GATAD2B: variants seen among roughly 807,000 people sequenced by gnomAD.
GATAD2B encodes transcriptional repressor p66-beta.
A neutral mutation model predicts 64.3 loss-of-function variants in GATAD2B; 8 were observed. The observed-to-expected ratio is 0.12, with a 90% CI of 0.07 to 0.22. The LOEUF is 0.22. GATAD2B is among the 10% of genes least tolerant of loss of function. GATAD2B has a pLI of 1.00. For missense variants in GATAD2B, 453 were observed against 752.0 expected, an observed-to-expected ratio of 0.60 and a Z score of 4.65; for synonymous variants, 281 against 271.3, an observed-to-expected ratio of 1.04 and a Z score of -0.35.
chr1:153,824,279 C>T (rs1444873584), intron 2 of GATAD2B, among the ~76,000 whole-genome samples: 2 of 151,696 alleles, frequency 1.3e-5, no homozygotes. Flanking sequence ...AACACAGCAA[C>T]ACCTCATCTC....
At chr1:153,834,711 G>A (rs1309245148) in intron 1 of GATAD2B, among the ~76,000 whole-genome samples, 1 of 152,174 alleles carries the variant, frequency 6.6e-6, no homozygotes, top group Non-Finnish European at 1.5e-5. Flanking sequence ...ACACTAACAG[G>A]AATTTGAAAG....
At chr1:153,911,533 G>A (rs1405528464) in intron 1 of GATAD2B, among the ~76,000 whole-genome samples, 1 of 152,036 alleles carries the variant, frequency 6.6e-6, no homozygotes, top group African/African-American at 2.4e-5. Context: ...TCAGGAGTTC[G>A]CGACCAGCCT....
chr1:153,839,108 C>CAAAAAAAAAAAAAAAAA lies in GATAD2B; in HGVS notation c.-1-10777_-1-10761dup, dbSNP rs35262137. Among the ~76,000 whole-genome samples, 65 of 78,560 alleles carry CAAAAAAAAAAAAAAAAA rather than the reference C, an allele frequency of 8.3e-4. 1 individual carries two copies. Among genetic ancestry groups the CAAAAAAAAAAAAAAAAA allele is most frequent in the South Asian group, 2.6e-3 (5 of 1,956 alleles). The allele number at this position is 78,560 out of a possible 152,430, so 51.5% of individuals were successfully genotyped here. A position where few individuals can be genotyped will look rare whatever the true frequency, so the allele number is the denominator to read the frequency against. On this transcript the variant is annotated intron_variant, in intron 1 of 10. Coordinates refer to ENST00000368655, the MANE Select transcript of GATAD2B (RefSeq NM_020699.4). ...TGGGTGACAGAACGAGACCCTGTCT[C>CAAAAAAAAAAAAAAAAA]AAAAAAAAAAAAAAAAAAAAAAAAA...
At chr1:153,817,303 G>A (rs1674509863) in intron 6 of GATAD2B, 69 bp downstream of exon 6, 1 of 1,396,398 alleles carries the variant, frequency 7.2e-7, no homozygotes, top group South Asian at 1.6e-5. Context: ...AAAACCTATG[G>A]CCCTTTCGAC....
At chr1:153,921,934 G>A (rs912021272) in intron 1 of GATAD2B, 1 of 152,142 alleles carries the variant, frequency 6.6e-6, no homozygotes, top group African/African-American at 2.4e-5. Flanking sequence ...TTGAGAGCAG[G>A]GAGGCCAAAA....
chr1:153,909,022 G>C (rs1280975339), intron 1 of GATAD2B, among the ~76,000 whole-genome samples: 2 of 151,920 alleles, frequency 1.3e-5, no homozygotes, highest in East Asian at 3.9e-4. Context: ...ACAACACAGC[G>C]AGATTCCCAT....
chr1:153,920,823 C>T (rs1678407699), intron 1 of GATAD2B, among the ~76,000 whole-genome samples: 1 of 152,166 alleles, frequency 6.6e-6, no homozygotes, highest in South Asian at 2.1e-4. Context: ...TCCATGATGA[C>T]TATCACTGCC....
chr1:153,875,370 AAAAATCTC>A (rs950949711), intron 1 of GATAD2B, among the ~76,000 whole-genome samples: 3 of 152,184 alleles, frequency 2.0e-5, no homozygotes, highest in African/African-American at 7.2e-5. Flanking sequence ...GGAAGAAAAA[AAAAATCTC>A]ATGTTTTAAG....
Position 153,811,800 on chromosome 1 carries a change from G to A in GATAD2B, c.1579C>T (p.Arg527Cys), listed in dbSNP as rs774589064. 2 of 1,612,982 alleles carry A rather than the reference G, an allele frequency of 1.2e-6. No individual in the cohort carries two copies. Among genetic ancestry groups the A allele is most frequent in the South Asian group, 1.1e-5 (1 of 90,878 alleles). The change falls in exon 10 of 11, where the codon CGC becomes TGC. Residue 527 changes from arginine (R) to cysteine (C), a missense_variant. Arg to Cys is a radical substitution (Grantham distance 180). Around this residue, in one of 2 missense-constraint regions of GATAD2B, gnomAD observed 160 missense variants for 334.7 expected, o/e 0.48. Coordinates refer to ENST00000368655, the MANE Select transcript of GATAD2B (RefSeq NM_020699.4). ...SLQRGIPTSA[R>C]SMLSNFAQAP... ...TGTGCAAAGTTTGAAAGCATGGAGC[G>A]GGCAGATGTGGGTATGCCACGCTGG... is the stretch of plus-strand genomic sequence containing the variant.
At chr1:153,852,030 G>T in intron 1 of GATAD2B, 1 of 437,144 alleles carries the variant, frequency 2.3e-6, no homozygotes, top group East Asian at 3.8e-5. Flanking sequence ...TTGCCTAGCA[G>T]GGTTAATTTC....
chr1:153,848,986 C>T (rs1049417750), intron 1 of GATAD2B, among the ~76,000 whole-genome samples: 2 of 151,902 alleles, frequency 1.3e-5, no homozygotes, highest in African/African-American at 4.8e-5. Context: ...CCCCCCCTCC[C>T]CCAGACTGGG....
intron 1 of GATAD2B, among the ~76,000 whole-genome samples, chr1:153,892,177 A>AG (rs891910115): frequency 6.6e-6 from 1 of 151,206 alleles, no homozygotes; most frequent in Non-Finnish European, 1.5e-5. Context: ...AAAAAAAAAA[A>AG]AAAAAAAAGA....
intron 1 of GATAD2B, among the ~76,000 whole-genome samples, chr1:153,897,935 TAGG>T (rs1370105277): frequency 1.4e-5 from 2 of 146,606 alleles, no homozygotes; most frequent in African/African-American, 2.6e-5. Flanking sequence ...GGCTTGAAGC[TAGG>T]AGTTCTAGAC....
At chr1:153,830,453 A>ATTTTT (rs1675035976) in intron 1 of GATAD2B, among the ~76,000 whole-genome samples, 1 of 20,884 alleles carries the variant, frequency 4.8e-5, no homozygotes, top group Non-Finnish European at 9.0e-5. Flanking sequence ...GCCTGTTTTT[A>ATTTTT]TTTTTATTTT....
intron 1 of GATAD2B, among the ~76,000 whole-genome samples, chr1:153,902,906 T>C: frequency 6.6e-6 from 1 of 152,176 alleles, no homozygotes; most frequent in Non-Finnish European, 1.5e-5. Flanking sequence ...CCTTTGCAGT[T>C]TCCCACAACC....
chr1:153,880,574 A>C (rs911845928), intron 1 of GATAD2B, among the ~76,000 whole-genome samples: 3 of 152,134 alleles, frequency 2.0e-5, no homozygotes, highest in Non-Finnish European at 4.4e-5. Context: ...AAAATCCAGG[A>C]GGCATTTCTC....
At chr1:153,873,499 A>G (rs1676732696) in intron 1 of GATAD2B, among the ~76,000 whole-genome samples, 2 of 152,190 alleles carry the variant, frequency 1.3e-5, no homozygotes, top group Non-Finnish European at 2.9e-5. Flanking sequence ...GGTCTGTAAT[A>G]AAAGCCAATG....
chr1:153,893,955 TAAAA>T (rs57287798), intron 1 of GATAD2B, among the ~76,000 whole-genome samples: 31,478 of 67,592 alleles, frequency 0.47, 5,335 homozygotes, highest in Non-Finnish European at 0.52. Context: ...AGACTCCATC[TAAAA>T]AAAAAAAAAA....
rs1223931913 is a variant in GATAD2B, at chr1:153,858,673, G to A, written c.-1-30325C>T. Among the ~76,000 whole-genome samples, 7 of 152,310 alleles carry A rather than the reference G, an allele frequency of 4.6e-5. No homozygotes were observed. In the South Asian group the frequency reaches 8.3e-4, roughly 18 times the overall value. Reference sequence around the variant, plus strand: ...CACTTGGGTCTATGTAAAGGCTGAAGTGAGCCATGACTGTATCACTACACT... The same window carrying A: ...CACTTGGGTCTATGTAAAGGCTGAAATGAGCCATGACTGTATCACTACACT... On this transcript the variant is annotated intron_variant, in intron 1 of 10. Transcript: ENST00000368655.
Sources: gnomAD v4.1 joint callset for allele counts (sites outside exome capture counted in the v4.1 genomes callset) on GRCh38, gnomAD v4.1.1 for gene constraint, gnomAD v4.1.1 regional missense constraint, MANE v1.5 for transcripts, NCBI Gene and HGNC (gene_info 2026-07-23, HGNC 2026-07-21) for gene names.